FAM107B: variants seen among roughly 807,000 people sequenced by gnomAD.
FAM107B encodes family with sequence similarity 107 member B.
Under a neutral mutation model 31.5 loss-of-function variants are expected in FAM107B, and 21 were observed. The observed-to-expected ratio is 0.67, with a 90% CI of 0.47 to 0.96. FAM107B has a LOEUF of 0.96. FAM107B is among the 40% of genes least tolerant of loss of function. The probability of loss-of-function intolerance (pLI) is 0.00; values close to 1 mark genes in which losing one functional copy is unlikely to be tolerated. For synonymous variants in FAM107B, 157 were observed against 141.5 expected (o/e 1.11, Z -0.78); for missense variants, 452 against 377.1 (o/e 1.20, Z -1.64).
At position 14,557,614 on chromosome 10, in the gene FAM107B, G is replaced by A. The variant is rs771024420; in HGVS notation, c.470-27099C>T. On this transcript the variant is annotated intron_variant, in intron 2 of 4. Transcript: ENST00000181796. ...TCAATGATGATGGTTTGGTTCCCAG[G>A]TAATCCACAAAAATATGACTGCTAC... Among the ~76,000 whole-genome samples the A allele has an allele frequency of 3.7e-4, 57 of 152,312 alleles. No homozygotes were observed. In the Middle Eastern group the frequency reaches 0.024, roughly 64 times the overall value.
chr10:14,565,645 GA>G (rs2131210901), intron 2 of FAM107B, among the ~76,000 whole-genome samples: 1 of 152,300 alleles, frequency 6.6e-6, no homozygotes, highest in East Asian at 1.9e-4. Context: ...GTATGGGCTG[GA>G]TACGTAGATA....
At chr10:14,578,258 G>C (rs1310405746) in intron 2 of FAM107B, among the ~76,000 whole-genome samples, 2 of 152,164 alleles carry the variant, frequency 1.3e-5, no homozygotes, top group African/African-American at 4.8e-5. Context: ...CTGTGCCCTG[G>C]ATGCTGGATC....
At chr10:14,650,648 A>T (rs527758952) in intron 2 of FAM107B, among the ~76,000 whole-genome samples, 2 of 152,336 alleles carry the variant, frequency 1.3e-5, no homozygotes, top group Non-Finnish European at 2.9e-5. Flanking sequence ...CGTATTGAGC[A>T]TTCTGGTTTA....
chr10:14,613,571 C>T (rs188041361), intron 2 of FAM107B, among the ~76,000 whole-genome samples: 39 of 152,296 alleles, frequency 2.6e-4, no homozygotes, highest in African/African-American at 8.7e-4. Flanking sequence ...TCTACTTTGG[C>T]GACAAAACCA....
At chr10:14,764,695 C>T (rs1311257708) in intron 1 of FAM107B, among the ~76,000 whole-genome samples, 4 of 152,226 alleles carry the variant, frequency 2.6e-5, no homozygotes, top group South Asian at 4.1e-4. Flanking sequence ...AAAGAAATCT[C>T]TAATTTCCCA....
At chr10:14,629,506 A>AATAT (rs1284788201) in intron 2 of FAM107B, among the ~76,000 whole-genome samples, 1 of 116,332 alleles carries the variant, frequency 8.6e-6, no homozygotes, top group Non-Finnish European at 1.6e-5. Flanking sequence ...ATATATATTT[A>AATAT]ATATATATAT....
At chr10:14,714,598 C>A (rs190882268) in intron 1 of FAM107B, among the ~76,000 whole-genome samples, 2 of 152,266 alleles carry the variant, frequency 1.3e-5, no homozygotes, top group African/African-American at 4.8e-5. Flanking sequence ...GATGGCAGCA[C>A]ACCTACCCGA....
chr10:14,535,230 G>A (rs1847486717), intron 2 of FAM107B, among the ~76,000 whole-genome samples: 1 of 152,116 alleles, frequency 6.6e-6, no homozygotes. Context: ...GCTCAGTGAA[G>A]GAGAAATAAA....
chr10:14,668,970 C>T (rs549728125), intron 1 of FAM107B, among the ~76,000 whole-genome samples: 1 of 152,208 alleles, frequency 6.6e-6, no homozygotes, highest in East Asian at 1.9e-4. Context: ...TGGTATTATT[C>T]ATTATAGGAA....
At chr10:14,666,336 T>A (rs989804773) in intron 2 of FAM107B, among the ~76,000 whole-genome samples, 7 of 152,130 alleles carry the variant, frequency 4.6e-5, no homozygotes, top group African/African-American at 1.4e-4. Context: ...CTTCTTCACA[T>A]GACAGTAGCA....
chr10:14,671,546 C>A (rs1223798789), intron 1 of FAM107B, among the ~76,000 whole-genome samples: 1 of 152,062 alleles, frequency 6.6e-6, no homozygotes, highest in Non-Finnish European at 1.5e-5. Flanking sequence ...TTTCTGGGGA[C>A]CCCCTCCCAT....
intron 1 of FAM107B, among the ~76,000 whole-genome samples, chr10:14,674,927 C>G (rs563312970): frequency 6.6e-6 from 1 of 152,124 alleles, no homozygotes; most frequent in East Asian, 1.9e-4. Flanking sequence ...TTTGTAGAGA[C>G]AGGGTTTTGC....
At chr10:14,625,625 G>C (rs1373470512) in intron 2 of FAM107B, among the ~76,000 whole-genome samples, 1 of 152,134 alleles carries the variant, frequency 6.6e-6, no homozygotes, top group Non-Finnish European at 1.5e-5. Context: ...AGGCAGAAGA[G>C]ACAGAAGGAT....
At chr10:14,573,373 G>A (rs1016312501) in intron 2 of FAM107B, among the ~76,000 whole-genome samples, 1 of 152,056 alleles carries the variant, frequency 6.6e-6, no homozygotes, top group African/African-American at 2.4e-5. Context: ...GATGCAGCAA[G>A]AAGGCCCTCA....
intron 2 of FAM107B, among the ~76,000 whole-genome samples, chr10:14,632,003 A>C (rs1853366957): frequency 6.6e-6 from 1 of 152,126 alleles, no homozygotes. Context: ...CCTCTGATAA[A>C]ATTAAGAAAT....
Position 14,637,654 on chromosome 10 carries a change from C to T in FAM107B, c.469+29980G>A, listed in dbSNP as rs578105855. Reference sequence around the variant, plus strand: ...AAGACCCTGTCTCAAAACAAACAAACACAGATGGCAAGGGTGACAGGATGG... The same window carrying T: ...AAGACCCTGTCTCAAAACAAACAAATACAGATGGCAAGGGTGACAGGATGG... On this transcript the variant is annotated intron_variant, in intron 2 of 4. Transcript: ENST00000181796. Among the ~76,000 whole-genome samples, 74 of 152,182 alleles carry T rather than the reference C, an allele frequency of 4.9e-4. No individual in the cohort carries two copies. In the South Asian group the frequency reaches 6.4e-3, roughly 13 times the overall value.
At chr10:14,524,025 C>A (rs1215028911) in intron 3 of FAM107B, among the ~76,000 whole-genome samples, 1 of 142,656 alleles carries the variant, frequency 7.0e-6, no homozygotes, top group Non-Finnish European at 1.5e-5. Flanking sequence ...TGCCACCACG[C>A]CCAGCTCTAT....
At chr10:14,715,985 ATC>A (rs1195423367) in intron 1 of FAM107B, among the ~76,000 whole-genome samples, 2 of 152,124 alleles carry the variant, frequency 1.3e-5, no homozygotes, top group African/African-American at 2.4e-5. Flanking sequence ...CTCCTTATAA[ATC>A]TACATTTATA....
intron 1 of FAM107B, chr10:14,723,452 A>G: frequency 1.8e-6 from 1 of 561,526 alleles, no homozygotes; most frequent in South Asian, 1.4e-5. Context: ...CTGTACAAGT[A>G]GAGATCAGGC....
Sources: allele counts gnomAD v4.1 joint callset (sites outside exome capture counted in the v4.1 genomes callset), GRCh38; gene constraint gnomAD v4.1.1; transcripts MANE v1.5; gene names NCBI Gene and HGNC (gene_info 2026-07-23, HGNC 2026-07-21).